Variants in PEBP4 observed in about 807,000 individuals in gnomAD.
The protein encoded by PEBP4 is phosphatidylethanolamine binding protein 4.
A neutral mutation model predicts 23.9 loss-of-function variants in PEBP4; 22 were observed. The ratio of observed to expected loss-of-function variants is 0.92; its 90% confidence interval spans 0.66 to 1.31. The LOEUF (loss-of-function observed/expected upper bound fraction) is 1.31. Among genes scored for constraint, PEBP4 ranks in the 40% most tolerant of loss-of-function variants. The pLI is 0.00. For missense variants in PEBP4, 324 were observed against 281.7 expected, an observed-to-expected ratio of 1.15 and a Z score of -1.07; for synonymous variants, 112 against 99.3, an observed-to-expected ratio of 1.13 and a Z score of -0.76.
At chr8:22,867,520 C>T (rs1807931279) in intron 3 of PEBP4, among the ~76,000 whole-genome samples, 1 of 152,186 alleles carries the variant, frequency 6.6e-6, no homozygotes, top group Non-Finnish European at 1.5e-5. Context: ...GTCCTCCACA[C>T]CTGGCCCAGC....
Position 22,750,005 on chromosome 8 carries a change from C to T in PEBP4, c.358-22785G>A, listed in dbSNP as rs138702630. Among the ~76,000 whole-genome samples, 548 of 151,876 alleles carry T rather than the reference C, an allele frequency of 3.6e-3. 6 individuals are homozygous for T. Among genetic ancestry groups the T allele is most frequent in the African/African-American group, 0.013 (527 of 41,408 alleles). On this transcript the variant is annotated intron_variant, in intron 4 of 6. Transcript: ENST00000256404. ...ATTTTTAGTAAAGACGGGGTTTCTC[C>T]GTGTTGGTCAGGTTGGTCTCGAACT... is the stretch of plus-strand genomic sequence containing the variant.
At chr8:22,749,602 T>C (rs1161799028) in intron 4 of PEBP4, among the ~76,000 whole-genome samples, 5 of 152,100 alleles carry the variant, frequency 3.3e-5, no homozygotes, top group Middle Eastern at 3.2e-3. Context: ...TCCCTTCCTG[T>C]GAGCAGATTC....
intron 2 of PEBP4, chr8:22,924,985 C>T: frequency 1.0e-6 from 1 of 985,342 alleles, no homozygotes; most frequent in East Asian, 1.1e-4. Flanking sequence ...ACCAAATGCC[C>T]ACAAGAGGAG....
chr8:22,918,985 G>A (rs1809141621), intron 3 of PEBP4, among the ~76,000 whole-genome samples: 1 of 152,162 alleles, frequency 6.6e-6, no homozygotes, highest in Non-Finnish European at 1.5e-5. Context: ...CCAAAGGAAA[G>A]GGTGTTTGTC....
At chr8:22,902,886 A>G (rs866265632) in intron 3 of PEBP4, among the ~76,000 whole-genome samples, 21 of 152,356 alleles carry the variant, frequency 1.4e-4, no homozygotes, top group South Asian at 8.3e-4. Context: ...CTCCAAACTC[A>G]GGGATCCCAG....
chr8:22,761,165 C>T (rs1313316762), intron 4 of PEBP4, among the ~76,000 whole-genome samples: 1 of 152,174 alleles, frequency 6.6e-6, no homozygotes, highest in Non-Finnish European at 1.5e-5. Context: ...TGAGGTCATG[C>T]TTCTCAGACC....
chr8:22,746,882 G>A (rs1426221152), intron 4 of PEBP4, among the ~76,000 whole-genome samples: 2 of 152,126 alleles, frequency 1.3e-5, no homozygotes, highest in African/African-American at 4.8e-5. Flanking sequence ...TTTGACTCTC[G>A]TTCTGTCACC....
intron 1 of PEBP4, among the ~76,000 whole-genome samples, chr8:22,940,994 T>A (rs1421230298): frequency 2.6e-5 from 4 of 152,178 alleles, no homozygotes; most frequent in African/African-American, 9.6e-5. Context: ...GGGAGAAAGT[T>A]CCCTCCAGGG....
At position 22,920,196 on chromosome 8, in the gene PEBP4, C is replaced by G. The variant is rs182942212; in HGVS notation, c.246G>C (p.Pro82=). The G allele has an allele frequency of 1.1e-4, 174 of 1,612,340 alleles. 1 individual carries two copies. The East Asian group carries it at 2.7e-3, about 25-fold the overall frequency. Residue 82 remains proline, a synonymous_variant, in exon 3 of 7, where the codon CCG becomes CCC. Coordinates refer to ENST00000256404, the MANE Select transcript of PEBP4 (RefSeq NM_144962.3). ...TSWMEPIVKF[P]GAVDGATYIL... is the part of the protein sequence containing the mutation. ...CCTGCTCACTCACGTCCACGGCCCC[C>G]GGGAACTTGACTATCGGCTCCATCC... is the stretch of plus-strand genomic sequence containing the variant.
intron 3 of PEBP4, among the ~76,000 whole-genome samples, chr8:22,823,036 T>C (rs1220179672): frequency 1.3e-5 from 2 of 152,044 alleles, no homozygotes; most frequent in African/African-American, 2.4e-5. Context: ...ATAGGGATGA[T>C]AATAATTTTG....
intron 3 of PEBP4, among the ~76,000 whole-genome samples, chr8:22,847,925 A>C (rs565117908): frequency 6.5e-4 from 99 of 152,356 alleles, no homozygotes; most frequent in African/African-American, 2.4e-3. Context: ...TCTGTGAGCC[A>C]AACACCTAGA....
At chr8:22,908,946 C>T (rs573412656) in intron 3 of PEBP4, among the ~76,000 whole-genome samples, 2 of 152,302 alleles carry the variant, frequency 1.3e-5, no homozygotes, top group African/African-American at 4.8e-5. Context: ...CCTGGAGATA[C>T]TTGCATTTTA....
chr8:22,810,713 T>TGTGA (rs1481451051), intron 4 of PEBP4, among the ~76,000 whole-genome samples: 140 of 126,324 alleles, frequency 1.1e-3, no homozygotes, highest in African/African-American at 3.2e-3. Flanking sequence ...TGTGTGTGTG[T>TGTGA]GAGAGAGAGA....
intron 4 of PEBP4, among the ~76,000 whole-genome samples, chr8:22,786,807 G>A (rs1407652202): frequency 2.0e-5 from 3 of 150,628 alleles, no homozygotes; most frequent in East Asian, 2.0e-4. Context: ...CAGGAAACAG[G>A]GCTGCACCCC....
chr8:22,842,368 G>A (rs1000491286), intron 3 of PEBP4, among the ~76,000 whole-genome samples: 46 of 152,214 alleles, frequency 3.0e-4, no homozygotes, highest in African/African-American at 1.1e-3. Flanking sequence ...GTGGCCAGAG[G>A]CAGCATTTCC....
chr8:22,854,173 T>G (rs962513260), intron 3 of PEBP4, among the ~76,000 whole-genome samples: 3 of 152,160 alleles, frequency 2.0e-5, no homozygotes, highest in African/African-American at 7.2e-5. Context: ...AGTTACAAAG[T>G]GGCTTTGAGA....
rs6984012 is a variant in PEBP4, at chr8:22,753,091, T to C, written c.358-25871A>G. 6.4e-3 allele frequency among the ~76,000 whole-genome samples: 973 copies of C among 152,286 alleles called. 14 individuals carry two copies. The highest frequency in any genetic ancestry group is 0.023 in the African/African-American group (943 of 41,552). ...TGGTCAGGGAAGTATCCTGGTAGCT[T>C]AGTTCAGCGCACATTGATCGAGTGC... is the stretch of plus-strand genomic sequence containing the variant. On this transcript the variant is annotated intron_variant, in intron 4 of 6. Transcript: ENST00000256404.
chr8:22,750,993 G>A (rs897394116), intron 4 of PEBP4, among the ~76,000 whole-genome samples: 2 of 152,212 alleles, frequency 1.3e-5, no homozygotes, highest in Non-Finnish European at 2.9e-5. Context: ...CCTTGTGAGT[G>A]ATGTTCAACA....
chr8:22,923,123 G>A (rs1222039007), intron 2 of PEBP4, among the ~76,000 whole-genome samples: 2 of 152,210 alleles, frequency 1.3e-5, no homozygotes, highest in Non-Finnish European at 2.9e-5. Context: ...CTACGTGTTG[G>A]AGTGATCTGT....
Sources: allele counts gnomAD v4.1 joint callset (sites outside exome capture counted in the v4.1 genomes callset), GRCh38; gene constraint gnomAD v4.1.1; transcripts MANE v1.5; gene names NCBI Gene and HGNC (gene_info 2026-07-23, HGNC 2026-07-21).